The following UNC5D variants were observed in gnomAD, a reference collection of about 807,000 sequenced individuals.
UNC5D encodes the protein netrin receptor UNC5D.
A neutral mutation model predicts 105.4 loss-of-function variants in UNC5D; 39 were observed. The observed-to-expected ratio is 0.37, with a 90% CI of 0.29 to 0.48. The LOEUF (loss-of-function observed/expected upper bound fraction) is 0.48. Ranked by LOEUF, UNC5D falls within the 20% of genes least tolerant of loss-of-function variation. UNC5D has a pLI of 0.98. For synonymous variants in UNC5D, 452 were observed against 450.4 expected, an observed-to-expected ratio of 1.00 and a Z score of -0.04; for missense variants, 991 against 1,202.4, an observed-to-expected ratio of 0.82 and a Z score of 2.60.
chr8:35,603,205 A>C (rs1307795415), intron 4 of UNC5D, among the ~76,000 whole-genome samples: 1 of 151,370 alleles, frequency 6.6e-6, no homozygotes, highest in Non-Finnish European at 1.5e-5. Flanking sequence ...TTCCCTCTAC[A>C]CACTGCTTTG....
chr8:35,613,474 T>C (rs1443743379), intron 4 of UNC5D, among the ~76,000 whole-genome samples: 1 of 152,238 alleles, frequency 6.6e-6, no homozygotes, highest in Non-Finnish European at 1.5e-5. Flanking sequence ...CCTGGCTCTT[T>C]GGCCCACTTG....
intron 16 of UNC5D, among the ~76,000 whole-genome samples, chr8:35,787,585 C>T (rs1403601097): frequency 6.6e-6 from 1 of 152,018 alleles, no homozygotes; most frequent in East Asian, 1.9e-4. Flanking sequence ...GGAACAAGTG[C>T]CAATATTCAA....
At chr8:35,621,033 A>G (rs1020836309) in intron 4 of UNC5D, among the ~76,000 whole-genome samples, 5 of 152,070 alleles carry the variant, frequency 3.3e-5, no homozygotes, top group African/African-American at 1.2e-4. Context: ...CTTGGCCTCT[A>G]CCCATTCCAT....
chr8:35,248,905 AT>A (rs1261095952), intron 1 of UNC5D, among the ~76,000 whole-genome samples: 2 of 94,694 alleles, frequency 2.1e-5, no homozygotes, highest in African/African-American at 8.8e-5. Context: ...TATATAATAT[AT>A]TATATATAAA....
At chr8:35,399,145 CAA>C (rs1029547730) in intron 1 of UNC5D, among the ~76,000 whole-genome samples, 6 of 54,694 alleles carry the variant, frequency 1.1e-4, no homozygotes, top group Non-Finnish European at 1.1e-4. Context: ...ACTCCATCTC[CAA>C]AAAAAAAAAA....
intron 1 of UNC5D, among the ~76,000 whole-genome samples, chr8:35,373,559 A>G (rs1396303466): frequency 6.6e-6 from 1 of 152,160 alleles, no homozygotes; most frequent in Admixed American, 6.5e-5. Flanking sequence ...AGGTTTAATT[A>G]CTATCTCTGG....
chr8:35,432,065 C>T (rs1055473500), intron 1 of UNC5D, among the ~76,000 whole-genome samples: 5 of 152,128 alleles, frequency 3.3e-5, no homozygotes, highest in Non-Finnish European at 5.9e-5. Flanking sequence ...AAGAGTATGG[C>T]CTCTGGAGTC....
intron 11 of UNC5D, among the ~76,000 whole-genome samples, chr8:35,737,998 A>T (rs1031315476): frequency 2.0e-5 from 3 of 151,966 alleles, no homozygotes; most frequent in African/African-American, 7.2e-5. Context: ...CCCAGCTACT[A>T]GGGAGGCTGA....
chr8:35,496,500 A>G (rs983856793), intron 1 of UNC5D, among the ~76,000 whole-genome samples: 1 of 152,186 alleles, frequency 6.6e-6, no homozygotes, highest in African/African-American at 2.4e-5. Flanking sequence ...ATGGAAAGAG[A>G]TAAATAACTC....
intron 1 of UNC5D, among the ~76,000 whole-genome samples, chr8:35,339,224 A>C (rs1446580511): frequency 6.6e-6 from 1 of 152,212 alleles, no homozygotes; most frequent in Non-Finnish European, 1.5e-5. Flanking sequence ...TTGAGTGGTT[A>C]ATGGTATATA....
intron 1 of UNC5D, among the ~76,000 whole-genome samples, chr8:35,266,221 A>T (rs1404754188): frequency 6.6e-6 from 1 of 152,218 alleles, no homozygotes; most frequent in Non-Finnish European, 1.5e-5. Context: ...AAAACAAAAG[A>T]TAATTATCCA....
intron 1 of UNC5D, among the ~76,000 whole-genome samples, chr8:35,273,476 C>G (rs1341414904): frequency 6.6e-6 from 1 of 152,194 alleles, no homozygotes; most frequent in Non-Finnish European, 1.5e-5. Flanking sequence ...AAAAAGCTTA[C>G]AGCAAGGCCT....
At chr8:35,437,254 C>G (rs538163336) in intron 1 of UNC5D, among the ~76,000 whole-genome samples, 2 of 151,978 alleles carry the variant, frequency 1.3e-5, no homozygotes, top group South Asian at 4.2e-4. Flanking sequence ...AGGTGTTTTC[C>G]TGAAAACCAT....
At chr8:35,520,264 C>T (rs1207201426) in intron 1 of UNC5D, among the ~76,000 whole-genome samples, 1 of 151,994 alleles carries the variant, frequency 6.6e-6, no homozygotes, top group Non-Finnish European at 1.5e-5. Context: ...GCTACAACAT[C>T]GATAAACCTT....
At chr8:35,553,761 G>C (rs1816333273) in intron 2 of UNC5D, among the ~76,000 whole-genome samples, 1 of 152,070 alleles carries the variant, frequency 6.6e-6, no homozygotes, top group African/African-American at 2.4e-5. Flanking sequence ...CTCAGGTATT[G>C]AAAAATAGAT....
At chr8:35,286,124 A>T (rs958809921) in intron 1 of UNC5D, among the ~76,000 whole-genome samples, 1 of 152,232 alleles carries the variant, frequency 6.6e-6, no homozygotes, top group Non-Finnish European at 1.5e-5. Flanking sequence ...AAAAGACATT[A>T]TCATCACAAA....
At chr8:35,736,416 CTT>C (rs1388584241) in intron 11 of UNC5D, among the ~76,000 whole-genome samples, 5 of 152,104 alleles carry the variant, frequency 3.3e-5, no homozygotes, top group Non-Finnish European at 4.4e-5. Context: ...AAATTACACT[CTT>C]TTAATAACTA....
chr8:35,692,390 T>C (rs1223115756), intron 7 of UNC5D, among the ~76,000 whole-genome samples: 1 of 152,218 alleles, frequency 6.6e-6, no homozygotes, highest in Non-Finnish European at 1.5e-5. Context: ...TTGTTATCCA[T>C]TACAGTAATT....
chr8:35,656,307 T>C (rs1407519046), intron 4 of UNC5D, among the ~76,000 whole-genome samples: 2 of 152,206 alleles, frequency 1.3e-5, no homozygotes, highest in East Asian at 3.9e-4. Flanking sequence ...GTGTGTTCAA[T>C]AGGACACACT....
Sources: gnomAD v4.1 joint callset for allele counts (sites outside exome capture counted in the v4.1 genomes callset) on GRCh38, gnomAD v4.1.1 for gene constraint, MANE v1.5 for transcripts, NCBI Gene and HGNC (gene_info 2026-07-23, HGNC 2026-07-21) for gene names.